PECAM1: variants seen among roughly 807,000 people sequenced by gnomAD.
PECAM1 encodes the protein platelet endothelial cell adhesion molecule.
A neutral mutation model predicts 13.8 loss-of-function variants in PECAM1; 8 were observed. The ratio of observed to expected loss-of-function variants is 0.58; its 90% confidence interval spans 0.34 to 1.05. The LOEUF is 1.05. Ranked by LOEUF, PECAM1 falls within the 50% of genes least tolerant of loss-of-function variation. PECAM1 has a pLI of 0.03. For missense variants in PECAM1, 304 were observed against 141.2 expected (o/e 2.15, Z -5.84); for synonymous variants, 136 against 52.6 (o/e 2.58, Z -6.86).
chr17:64,386,186 C>T (rs2036589555), intron 2 of PECAM1, among the ~76,000 whole-genome samples: 1 of 152,250 alleles, frequency 6.6e-6, no homozygotes, highest in African/African-American at 2.4e-5. Context: ...AGGTGGATCA[C>T]TTAAGGTCAG....
intron 10 of PECAM1, among the ~76,000 whole-genome samples, chr17:64,353,242 A>C (rs1295990931): frequency 6.6e-6 from 1 of 152,042 alleles, no homozygotes; most frequent in African/African-American, 2.4e-5. Flanking sequence ...TGTAGGAAGG[A>C]CATGATCTCA....
In PECAM1 at chr17:64,341,675, T is replaced by G; in HGVS notation, c.2123A>C (p.Asp708Ala). Reference protein sequence around the residue: ...AESHKDLGKKDTETVYSEVRK... With the variant: ...AESHKDLGKKATETVYSEVRK... ...GACTTCACTGTACACTGTCTCTGTGTCCTTCTTTCCTAGATCTGGAAAAAG... is the reference window on the plus strand; with the variant it reads ...GACTTCACTGTACACTGTCTCTGTGGCCTTCTTTCCTAGATCTGGAAAAAG... Residue 708 changes from aspartate (D) to alanine (A), a missense_variant, in exon 14 of 16, where the codon GAC becomes GCC. Asp to Ala is a moderately radical substitution (Grantham distance 126). Transcript: ENST00000563924. 2.2e-6 allele frequency: 1 copy of G among 447,726 alleles called. No homozygotes were observed. The highest frequency in any genetic ancestry group is 3.2e-5 in the East Asian group (1 of 30,918). The allele number at this position is 447,726 out of a possible 1,614,324, so 27.7% of individuals were successfully genotyped here. A position where few individuals can be genotyped will look rare whatever the true frequency, so the allele number is the denominator to read the frequency against.
chr17:64,335,830 TTAGAG>T (rs1420281220), intron 14 of PECAM1, among the ~76,000 whole-genome samples: 3 of 152,016 alleles, frequency 2.0e-5, no homozygotes, highest in African/African-American at 4.8e-5. Context: ...CGCAAGATAA[TTAGAG>T]TATAGGGAGA....
intron 7 of PECAM1, among the ~76,000 whole-genome samples, chr17:64,358,109 G>GTTTTTTT (rs1555650936): frequency 1.6e-5 from 1 of 63,628 alleles, no homozygotes; most frequent in African/African-American, 3.8e-5. Flanking sequence ...TTTGGCCACA[G>GTTTTTTT]TCTTTTTTTT....
intron 14 of PECAM1, among the ~76,000 whole-genome samples, chr17:64,334,086 G>A (rs1315090346): frequency 8.7e-5 from 13 of 149,406 alleles, no homozygotes; most frequent in Admixed American, 2.0e-4. Context: ...ACGTGGGGAG[G>A]CAGCTGAGTG....
rs149600334 is a variant in PECAM1, at chr17:64,331,625, G to A, written c.2165-1903C>T. Among the ~76,000 whole-genome samples the A allele has an allele frequency of 9.6e-3, 1,466 of 152,372 alleles. 9 individuals carry two copies. Among genetic ancestry groups the A allele is most frequent in the Non-Finnish European group, 0.014 (948 of 68,040 alleles). On this transcript the variant is annotated intron_variant, in intron 14 of 15. Transcript: ENST00000563924. The stretch of plus-strand genomic sequence containing the variant: ...CAATGAGAGCAGGAAGCTCTGCATA[G>A]GTGGTGGGTGATCCCTGCCTGCATT...
intron 2 of PECAM1, among the ~76,000 whole-genome samples, chr17:64,380,366 T>C (rs920074329): frequency 6.6e-6 from 1 of 151,984 alleles, no homozygotes; most frequent in Non-Finnish European, 1.5e-5. Context: ...GAAAAAGTAA[T>C]TGATCTGTAG....
At chr17:64,357,065 T>A (rs1201338229) in intron 7 of PECAM1, among the ~76,000 whole-genome samples, 1 of 152,178 alleles carries the variant, frequency 6.6e-6, no homozygotes, top group Non-Finnish European at 1.5e-5. Context: ...GGGCTCTCCA[T>A]ACTTCACTGT....
At chr17:64,343,772 G>A (rs1217220684) in intron 13 of PECAM1, among the ~76,000 whole-genome samples, 3 of 152,178 alleles carry the variant, frequency 2.0e-5, no homozygotes, top group Admixed American at 2.0e-4. Context: ...TGCTGGGACA[G>A]CAGAGATGCC....
Position 64,360,222 on chromosome 17 carries a change from T to G in PECAM1, c.1410A>C (p.Glu470Asp). The change falls in exon 7 of 16, where the codon GAA becomes GAC. Residue 470 changes from glutamate (E) to aspartate (D), a missense_variant. Transcript: ENST00000563924. ...DPAVFKDNPT[E>D]DVEYQCVADN... ...CTGCAACACACTGGTATTCGACGTCTTCAGTGGGGTTGTCTTTGAATACCG... is the reference window on the plus strand; with the variant it reads ...CTGCAACACACTGGTATTCGACGTCGTCAGTGGGGTTGTCTTTGAATACCG... 1 of 475,410 alleles carries G rather than the reference T, an allele frequency of 2.1e-6. No homozygotes were observed. Among genetic ancestry groups the G allele is most frequent in the East Asian group, 3.1e-5 (1 of 32,048 alleles). The allele number at this position is 475,410 out of a possible 1,614,324, so 29.4% of individuals were successfully genotyped here. A position where few individuals can be genotyped will look rare whatever the true frequency, so the allele number is the denominator to read the frequency against.
intron 2 of PECAM1, among the ~76,000 whole-genome samples, chr17:64,389,730 A>G (rs1381246607): frequency 6.6e-6 from 1 of 152,154 alleles, no homozygotes; most frequent in Admixed American, 6.6e-5. Flanking sequence ...TCCCCATCCC[A>G]AAAAACAGCA....
At chr17:64,390,415 C>T (rs1220641716) in intron 2 of PECAM1, 74 bp downstream of exon 2, 12 of 443,126 alleles carry the variant, frequency 2.7e-5, no homozygotes, top group South Asian at 9.3e-5. Flanking sequence ...ATTTAATGTG[C>T]GTTTTAGGCA....
Position 64,321,647 on chromosome 17 carries a change from G to A in PECAM1, c.*2169C>T, listed in dbSNP as rs895930410. The stretch of plus-strand genomic sequence containing the variant: ...ATGGCGGCTCACGCCTCTGGTCCCA[G>A]CTACCCAGGAAGCTGAGATGGGAGG... On this transcript the variant is annotated 3_prime_UTR_variant, in exon 16 of 16. Coordinates refer to ENST00000563924, the MANE Select transcript of PECAM1 (RefSeq NM_000442.5). 7.4e-6 allele frequency: 4 copies of A among 540,240 alleles called. No homozygotes were observed. The highest frequency in any genetic ancestry group is 2.0e-5 in the African/African-American group (1 of 49,138). The allele number at this position is 540,240 out of a possible 1,614,324, so 33.5% of individuals were successfully genotyped here.
chr17:64,373,733 A>G (rs1275569329), intron 4 of PECAM1, among the ~76,000 whole-genome samples: 1 of 152,190 alleles, frequency 6.6e-6, no homozygotes, highest in Non-Finnish European at 1.5e-5. Flanking sequence ...ATAATAGAAC[A>G]TACAGACACA....
In PECAM1 at chr17:64,348,280, G is replaced by A. The variant is rs1337102886; in HGVS notation, c.2087C>T (p.Ser696Phe). 1.5e-5 allele frequency: 7 copies of A among 475,368 alleles called. No individual in the cohort carries two copies. The South Asian group carries it at 4.7e-4, about 32-fold the overall frequency. 29.4% of individuals were successfully genotyped at this position (475,368 alleles called of 1,614,324 possible). The part of the protein sequence containing the change: ...SDVQYTEVQV[S>F]SAESHKDLGK... ...CTTACCTTTGTGAGACTCAGCTGAGGACACTTGAACTTCCGTGTACTGCAC... is the reference window on the plus strand; with the variant it reads ...CTTACCTTTGTGAGACTCAGCTGAGAACACTTGAACTTCCGTGTACTGCAC... The change falls in exon 13 of 16, where the codon TCC (serine) becomes TTC (phenylalanine). Residue 696 changes from serine to phenylalanine, a missense_variant. Physicochemically the swap from Ser to Phe is radical, Grantham distance 155. Transcript: ENST00000563924.
chr17:64,387,544 G>C (rs2036623509), intron 2 of PECAM1, among the ~76,000 whole-genome samples: 1 of 152,196 alleles, frequency 6.6e-6, no homozygotes, highest in Non-Finnish European at 1.5e-5. Context: ...GTAGGGGAGA[G>C]GGACTTGAAT....
At chr17:64,332,981 C>T (rs1160912546) in intron 14 of PECAM1, among the ~76,000 whole-genome samples, 6 of 152,140 alleles carry the variant, frequency 3.9e-5, no homozygotes, top group Middle Eastern at 3.4e-3. Flanking sequence ...GGTGAAACTC[C>T]GTCTCTACTA....
intron 3 of PECAM1, among the ~76,000 whole-genome samples, chr17:64,375,932 G>C (rs1241904011): frequency 2.0e-5 from 3 of 152,164 alleles, no homozygotes; most frequent in African/African-American, 7.2e-5. Flanking sequence ...GGACTCAGGG[G>C]AAAGAGTGGG....
chr17:64,350,347 G>C (rs2035690191), intron 12 of PECAM1, 33 bp downstream of exon 12: 1 of 411,708 alleles, frequency 2.4e-6, no homozygotes, highest in Non-Finnish European at 4.4e-6. Context: ...TGTAAAAGTT[G>C]GTTCTAATAA....
Sources: gnomAD v4.1 joint callset for allele counts (sites outside exome capture counted in the v4.1 genomes callset) on GRCh38, gnomAD v4.1.1 for gene constraint, MANE v1.5 for transcripts, NCBI Gene and HGNC (gene_info 2026-07-23, HGNC 2026-07-21) for gene names.